AASS: variants seen among roughly 807,000 people sequenced by gnomAD.
The protein encoded by AASS is alpha-aminoadipic semialdehyde synthase, mitochondrial.
Under a neutral mutation model 105.4 loss-of-function variants are expected in AASS, and 86 were observed. That is an observed-to-expected ratio of 0.82 (90% CI 0.69 to 0.98). The LOEUF (loss-of-function observed/expected upper bound fraction) is 0.98, where lower values mean the gene tolerates loss of function less well. AASS is among the 50% of genes least tolerant of loss of function. The pLI is 0.00. For synonymous variants in AASS, 381 were observed against 394.8 expected (o/e 0.96, Z 0.41); for missense variants, 1,048 against 1,143.2 (o/e 0.92, Z 1.20).
intron 22 of AASS, 45 bp from the exon 23 acceptor site, chr7:122,078,059 C>T (rs562175564): frequency 9.5e-6 from 15 of 1,572,158 alleles, no homozygotes; most frequent in Middle Eastern, 1.7e-4. Flanking sequence ...ATCATTACAA[C>T]TCAAATATTG....
chr7:122,120,152 T>C (rs1290994708), intron 4 of AASS, among the ~76,000 whole-genome samples: 2 of 152,218 alleles, frequency 1.3e-5, no homozygotes, highest in Non-Finnish European at 2.9e-5. Context: ...CTGCTCATCA[T>C]TTGGGTTGTT....
intron 19 of AASS, among the ~76,000 whole-genome samples, chr7:122,083,859 T>C (rs112900168): frequency 6.6e-6 from 1 of 152,198 alleles, no homozygotes; most frequent in African/African-American, 2.4e-5. Context: ...TCATCTCCAA[T>C]ACTGGAAAGA....
chr7:122,134,369 A>G (rs1462924976), intron 1 of AASS, among the ~76,000 whole-genome samples: 4 of 152,116 alleles, frequency 2.6e-5, no homozygotes, highest in African/African-American at 9.7e-5. Flanking sequence ...ACATGATCAT[A>G]TTTATTTATT....
At chr7:122,138,285 C>G (rs1196610300) in intron 1 of AASS, among the ~76,000 whole-genome samples, 1 of 152,080 alleles carries the variant, frequency 6.6e-6, no homozygotes, top group Admixed American at 6.6e-5. Flanking sequence ...GTAATACATT[C>G]CAAGAAGCCC....
At chr7:122,078,467 C>CAACA (rs1476750265) in intron 22 of AASS, among the ~76,000 whole-genome samples, 2 of 152,014 alleles carry the variant, frequency 1.3e-5, no homozygotes, top group African/African-American at 4.8e-5. Context: ...CAAAAATTAG[C>CAACA]TGGGCATGGT....
At chr7:122,103,299 G>T (rs1171728228) in intron 11 of AASS, among the ~76,000 whole-genome samples, 2 of 151,940 alleles carry the variant, frequency 1.3e-5, no homozygotes, top group Non-Finnish European at 2.9e-5. Flanking sequence ...GGAGAGAATG[G>T]GATGATATAT....
At chr7:122,143,714 CGCCCCCTCA>C (rs1796506195) in intron 1 of AASS, among the ~76,000 whole-genome samples, 1 of 151,986 alleles carries the variant, frequency 6.6e-6, no homozygotes, top group South Asian at 2.1e-4. Context: ...CTCCATCCAC[CGCCCCCTCA>C]GCCAGCCGTC....
At chr7:122,129,605 T>C in intron 2 of AASS, 68 bp from the exon 3 acceptor site, 1 of 1,457,214 alleles carries the variant, frequency 6.9e-7, no homozygotes. Context: ...TTGAGCAAAA[T>C]GTGTAGCAAA....
rs764000460 is a variant in AASS at position 122,126,387 on chromosome 7, C to T, written c.460G>A (p.Ala154Thr). 58 of 1,613,846 alleles carry T rather than the reference C, an allele frequency of 3.6e-5. No homozygotes were observed. The highest frequency in any genetic ancestry group is 4.8e-5 in the Non-Finnish European group (57 of 1,179,914). Residue 154 changes from alanine to threonine, a missense_variant, in exon 4 of 24, where the codon GCT becomes ACT. Physicochemically the swap from Ala to Thr is moderately conservative, Grantham distance 58. Coordinates refer to ENST00000417368, the MANE Select transcript of AASS (RefSeq NM_005763.4). The part of the protein sequence containing the change: ...GVRVVAFGQW[A>T]GVAGMINILH... ...CTGGCATACTTACCTGCCACACCAGCCCACTGTCCAAATGCCACTACCCGT... is the reference window on the plus strand; with the variant it reads ...CTGGCATACTTACCTGCCACACCAGTCCACTGTCCAAATGCCACTACCCGT...
intron 18 of AASS, 36 bp downstream of exon 18, chr7:122,091,667 A>T (rs760665915): frequency 6.2e-7 from 1 of 1,612,824 alleles, no homozygotes; most frequent in Non-Finnish European, 8.5e-7. Context: ...CTGTTATTGC[A>T]GGTTGATATC....
intron 4 of AASS, among the ~76,000 whole-genome samples, chr7:122,121,941 T>A (rs1251993724): frequency 3.3e-5 from 5 of 152,176 alleles, no homozygotes; most frequent in African/African-American, 4.8e-5. Context: ...TATTGTACTG[T>A]GCATAAAATT....
intron 17 of AASS, among the ~76,000 whole-genome samples, chr7:122,092,386 G>C (rs1264893297): frequency 6.6e-6 from 1 of 152,038 alleles, no homozygotes; most frequent in Non-Finnish European, 1.5e-5. Context: ...TTTTATAGTA[G>C]CATCTGTTTC....
chr7:122,077,847 A>G lies in AASS; in HGVS notation c.2653T>C (p.Leu885=). 6.2e-7 allele frequency: 1 copy of G among 1,614,190 alleles called. No homozygotes were observed. The highest frequency in any genetic ancestry group is 8.5e-7 in the Non-Finnish European group (1 of 1,180,022). The change falls in exon 23 of 24, where the codon TTG becomes CTG. Residue 885 remains leucine, a synonymous_variant. Transcript: ENST00000417368. ...GLPTAMAAKM[L]LDGEIGAKGL... is the part of the protein sequence containing the mutation. ...AAATGAACAGACTTACCATCAAGCA[A>G]CATTTTGGCTGCCATGGCGGTGGGT...
intron 12 of AASS, 36 bp from the exon 13 acceptor site, chr7:122,101,474 C>T: frequency 6.4e-7 from 1 of 1,568,462 alleles, no homozygotes; most frequent in Non-Finnish European, 8.8e-7. Context: ...TCTTTAGTAT[C>T]CACATTTTAG....
intron 8 of AASS, among the ~76,000 whole-genome samples, 176 bp downstream of exon 8, chr7:122,116,457 G>A (rs564788702): frequency 3.3e-5 from 5 of 152,020 alleles, no homozygotes; most frequent in Non-Finnish European, 7.4e-5. Context: ...AGCACTAAGC[G>A]AGACTACTCC....
intron 4 of AASS, 143 bp downstream of exon 4, chr7:122,126,232 T>G: frequency 3.9e-6 from 3 of 774,824 alleles, no homozygotes. Flanking sequence ...TCCACTTGTA[T>G]TCATCATCCT....
At position 122,098,724 on chromosome 7, in the gene AASS, C is replaced by G. The variant is rs1794286898; in HGVS notation, c.1528+21G>C. The G allele has an allele frequency of 5.6e-6, 9 of 1,603,572 alleles. No homozygotes were observed. The East Asian group carries it at 2.0e-4, about 36-fold the overall frequency. On this transcript the variant is annotated intron_variant, in intron 14 of 23. Transcript: ENST00000417368. The stretch of plus-strand genomic sequence containing the variant: ...CGCTATAAAATACATTTTTCTTCTT[C>G]AAAAATTAGGGCTTATTTACCTACT...
chr7:122,130,228 G>A (rs1795849976), intron 2 of AASS, among the ~76,000 whole-genome samples: 1 of 151,980 alleles, frequency 6.6e-6, no homozygotes, highest in Admixed American at 6.6e-5. Flanking sequence ...AAAGAAATAT[G>A]AGAATTTAAA....
intron 4 of AASS, among the ~76,000 whole-genome samples, chr7:122,124,529 C>G (rs1350124916): frequency 6.6e-6 from 1 of 152,194 alleles, no homozygotes; most frequent in East Asian, 1.9e-4. Flanking sequence ...GTGATCTGCC[C>G]TCTTCGGCCT....
Sources: allele counts gnomAD v4.1 joint callset (sites outside exome capture counted in the v4.1 genomes callset), GRCh38; gene constraint gnomAD v4.1.1; transcripts MANE v1.5; gene names NCBI Gene and HGNC (gene_info 2026-07-23, HGNC 2026-07-21).